Variants in PCLO observed in about 807,000 individuals in gnomAD.
PCLO encodes protein piccolo.
In PCLO, 82 loss-of-function variants were observed where a neutral mutation model predicts 427.5. That is an observed-to-expected ratio of 0.19 (90% CI 0.16 to 0.23). The LOEUF is 0.23. PCLO is among the 10% of genes least tolerant of loss of function. The pLI is 1.00. For missense variants in PCLO, 6,239 were observed against 6,115.9 expected, an observed-to-expected ratio of 1.02 and a Z score of -0.67; for synonymous variants, 2,357 against 2,155.4, an observed-to-expected ratio of 1.09 and a Z score of -2.59.
At chr7:82,828,092 C>T in intron 16 of PCLO, 126 bp from the exon 17 acceptor site, 2 of 637,874 alleles carry the variant, frequency 3.1e-6, no homozygotes, top group South Asian at 3.7e-5. Flanking sequence ...ATTATCTCAT[C>T]ATCCTCATGT....
chr7:82,966,929 C>G (rs913622673), intron 3 of PCLO, among the ~76,000 whole-genome samples: 6 of 151,996 alleles, frequency 3.9e-5, no homozygotes, highest in African/African-American at 1.4e-4. Flanking sequence ...ATCAAAAGTT[C>G]TTTTAGGATT....
chr7:82,948,049 A>G (rs887126604), intron 6 of PCLO, among the ~76,000 whole-genome samples: 19 of 152,112 alleles, frequency 1.2e-4, no homozygotes, highest in African/African-American at 4.6e-4. Context: ...AAAGTTGTTC[A>G]CATAACTCTT....
At chr7:83,120,402 GAAA>G (rs35143407) in intron 3 of PCLO, among the ~76,000 whole-genome samples, 13 of 80,782 alleles carry the variant, frequency 1.6e-4, no homozygotes, top group African/African-American at 5.8e-4. Context: ...CTCTGCCTCA[GAAA>G]AAAAAAAAAA....
chr7:83,010,906 G>A (rs1356368150), intron 3 of PCLO, among the ~76,000 whole-genome samples: 1 of 151,634 alleles, frequency 6.6e-6, no homozygotes, highest in African/African-American at 2.4e-5. Flanking sequence ...TCTTGCTTTC[G>A]ACCCATATGA....
intron 24 of PCLO, among the ~76,000 whole-genome samples, 154 bp from the exon 25 acceptor site, chr7:82,758,869 G>A (rs773527840): frequency 4.6e-5 from 7 of 151,788 alleles, no homozygotes; most frequent in Non-Finnish European, 1.0e-4. Context: ...CAGGAGAACT[G>A]ATAACCAAGG....
Position 82,953,927 on chromosome 7 carries a change from G to T in PCLO, c.7026C>A (p.His2342Gln). 6.2e-7 allele frequency: 1 copy of T among 1,613,848 alleles called. No individual in the cohort carries two copies. Among genetic ancestry groups the T allele is most frequent in the African/African-American group, 1.3e-5 (1 of 75,008 alleles). Residue 2342 changes from histidine to glutamine, a missense_variant, in exon 5 of 25, where the codon CAC becomes CAA. Transcript: ENST00000333891. ...KSSLSETVFD[H>Q]PPSSVIALPM... is the part of the protein sequence containing the mutation. ...GAAGGGCTATTACAGAAGAAGGTGG[G>T]TGATCAAACACGGTTTCGGATAAGC... is the stretch of plus-strand genomic sequence containing the variant.
intron 20 of PCLO, among the ~76,000 whole-genome samples, chr7:82,812,970 T>A (rs938439929): frequency 1.3e-5 from 2 of 151,538 alleles, no homozygotes; most frequent in Non-Finnish European, 3.0e-5. Context: ...TTTGTTTGAG[T>A]AAAAAGTCAT....
intron 3 of PCLO, among the ~76,000 whole-genome samples, chr7:83,117,909 T>C (rs998178714): frequency 1.3e-5 from 2 of 152,338 alleles, no homozygotes; most frequent in Admixed American, 6.5e-5. Context: ...ACATGGATAT[T>C]TAATGTTTAA....
chr7:82,861,618 T>C (rs867812806), intron 10 of PCLO, among the ~76,000 whole-genome samples: 3 of 152,128 alleles, frequency 2.0e-5, no homozygotes, highest in Middle Eastern at 3.4e-3. Flanking sequence ...ATCTACACTA[T>C]AGACCAAATG....
chr7:82,955,306 C>T lies in PCLO; in HGVS notation c.5647G>A (p.Val1883Ile), dbSNP rs779427966. Residue 1883 changes from valine to isoleucine, a missense_variant, in exon 5 of 25, where the codon GTT becomes ATT. Around this residue, in one of 5 missense-constraint regions of PCLO, gnomAD observed 4,677 missense variants for 4,468.4 expected, o/e 1.05. Coordinates refer to ENST00000333891, the MANE Select transcript of PCLO (RefSeq NM_033026.6). ...GAAACAGCTGTGGGCAATTTATAAA[C>T]TTTTTGTACTTCTATTATTTTTTCC... Reference protein sequence around the residue: ...SPEKIIEVQKVYKLPTAVSLY... With the variant: ...SPEKIIEVQKIYKLPTAVSLY... The T allele has an allele frequency of 1.2e-6, 2 of 1,613,280 alleles. No homozygotes were observed. The highest frequency in any genetic ancestry group is 2.7e-5 in the African/African-American group (2 of 74,818).
At chr7:82,864,853 A>G (rs1273363002) in intron 10 of PCLO, among the ~76,000 whole-genome samples, 1 of 152,188 alleles carries the variant, frequency 6.6e-6, no homozygotes, top group Non-Finnish European at 1.5e-5. Flanking sequence ...TTGATTATTA[A>G]TTCTTACATG....
intron 3 of PCLO, among the ~76,000 whole-genome samples, chr7:83,097,464 G>T (rs1040166515): frequency 2.0e-5 from 3 of 146,632 alleles, no homozygotes; most frequent in Non-Finnish European, 4.5e-5. Context: ...GGAGCTTGCA[G>T]TGAGCCGAGA....
chr7:83,025,226 G>A (rs376097836), intron 3 of PCLO, among the ~76,000 whole-genome samples: 2 of 152,052 alleles, frequency 1.3e-5, no homozygotes, highest in African/African-American at 4.8e-5. Context: ...GAAGAATGTA[G>A]AATTAGAATA....
chr7:83,044,054 G>A (rs1362623872), intron 3 of PCLO, among the ~76,000 whole-genome samples: 2 of 150,944 alleles, frequency 1.3e-5, no homozygotes, highest in Non-Finnish European at 2.9e-5. Flanking sequence ...TCACAGTTCC[G>A]CATGGGCTAG....
At chr7:83,096,214 A>G (rs1046051816) in intron 3 of PCLO, among the ~76,000 whole-genome samples, 6 of 152,072 alleles carry the variant, frequency 3.9e-5, no homozygotes, top group African/African-American at 1.4e-4. Flanking sequence ...TTTGCCTAGC[A>G]TTTCCATTTC....
In PCLO at chr7:82,972,916, G is replaced by A. The variant is rs114014721; in HGVS notation, c.3301-6429C>T. On this transcript the variant is annotated intron_variant, in intron 3 of 24. Coordinates refer to ENST00000333891, the MANE Select transcript of PCLO (RefSeq NM_033026.6). The stretch of plus-strand genomic sequence containing the variant: ...CACCAATTGGGGAGCAATGTTACCC[G>A]TAACTTGTCATTTTTATCAATGTTA... Among the ~76,000 whole-genome samples, 452 of 152,096 alleles carry A rather than the reference G, an allele frequency of 3.0e-3. 3 individuals are homozygous for A. Among genetic ancestry groups the A allele is most frequent in the African/African-American group, 0.01 (434 of 41,516 alleles).
intron 3 of PCLO, among the ~76,000 whole-genome samples, chr7:83,117,542 C>A (rs1318850957): frequency 6.6e-6 from 1 of 152,202 alleles, no homozygotes; most frequent in South Asian, 2.1e-4. Flanking sequence ...AGCTGACATA[C>A]TATCTCTCTC....
At chr7:83,141,625 G>A (rs1166932539) in intron 2 of PCLO, among the ~76,000 whole-genome samples, 1 of 152,178 alleles carries the variant, frequency 6.6e-6, no homozygotes, top group Non-Finnish European at 1.5e-5. Flanking sequence ...CAACACTGCT[G>A]TCTGCTTAAT....
chr7:82,929,469 T>TA (rs922060044), intron 6 of PCLO, among the ~76,000 whole-genome samples: 19 of 151,912 alleles, frequency 1.3e-4, no homozygotes, highest in South Asian at 8.3e-4. Flanking sequence ...AAAGCTCAAA[T>TA]AAAAAAATCA....
Sources: gnomAD v4.1 joint callset for allele counts (sites outside exome capture counted in the v4.1 genomes callset) on GRCh38, gnomAD v4.1.1 for gene constraint, gnomAD v4.1.1 regional missense constraint, MANE v1.5 for transcripts, NCBI Gene and HGNC (gene_info 2026-07-23, HGNC 2026-07-21) for gene names.